DSCAM: variants seen among roughly 807,000 people sequenced by gnomAD.
DSCAM encodes the protein DS cell adhesion molecule.
In DSCAM, 47 loss-of-function variants were observed where a neutral mutation model predicts 217.7. The ratio of observed to expected loss-of-function variants is 0.22; its 90% CI spans 0.17 to 0.28. The LOEUF (loss-of-function observed/expected upper bound fraction) is 0.28, where lower values mean the gene tolerates loss of function less well. DSCAM is among the 10% of genes least tolerant of loss of function. The pLI is 1.00. For missense variants in DSCAM, 2,080 were observed against 2,618.3 expected (o/e 0.79, Z 4.49); for synonymous variants, 1,056 against 1,015.3 (o/e 1.04, Z -0.76).
chr21:40,781,871 G>A (rs1417673827), intron 1 of DSCAM, among the ~76,000 whole-genome samples: 1 of 151,808 alleles, frequency 6.6e-6, no homozygotes, highest in Non-Finnish European at 1.5e-5. Context: ...TCTCTTGGCT[G>A]GGCGCGGTGG....
chr21:40,576,689 A>G (rs1026148860), intron 3 of DSCAM, among the ~76,000 whole-genome samples: 1 of 152,074 alleles, frequency 6.6e-6, no homozygotes, highest in Admixed American at 6.5e-5. Flanking sequence ...TTTAATACTT[A>G]TAATATATAT....
intron 20 of DSCAM, among the ~76,000 whole-genome samples, chr21:40,120,988 G>T (rs34258301): frequency 1.3e-5 from 2 of 152,146 alleles, no homozygotes; most frequent in South Asian, 4.1e-4. Context: ...TTAGCTGAGG[G>T]ACTCTTATAA....
intron 8 of DSCAM, among the ~76,000 whole-genome samples, chr21:40,322,130 CTTT>C (rs1313505231): frequency 6.6e-6 from 1 of 152,140 alleles, no homozygotes; most frequent in Non-Finnish European, 1.5e-5. Flanking sequence ...CATTTGTCTT[CTTT>C]GTCTCCCTGC....
At position 40,237,372 on chromosome 21, in the gene DSCAM, A is replaced by G. The variant is rs916479861; in HGVS notation, c.2356+38725T>C. Reference sequence around the variant, plus strand: ...AATGCTATCCCTCCCCTAGGCCCCCACCCTCTGACAGGCCCTGGTGTGTGA... The same window carrying G: ...AATGCTATCCCTCCCCTAGGCCCCCGCCCTCTGACAGGCCCTGGTGTGTGA... On this transcript the variant is annotated intron_variant, in intron 11 of 32. Transcript: ENST00000400454. Among the ~76,000 whole-genome samples, 5 of 151,880 alleles carry G rather than the reference A, an allele frequency of 3.3e-5. No individual in the cohort carries two copies. The East Asian group carries it at 7.7e-4, about 23-fold the overall frequency.
At chr21:40,553,627 T>C (rs1568900163) in intron 3 of DSCAM, among the ~76,000 whole-genome samples, 1 of 152,228 alleles carries the variant, frequency 6.6e-6, no homozygotes, top group Non-Finnish European at 1.5e-5. Flanking sequence ...CTTCCTCTTC[T>C]AGCCAACAAC....
chr21:40,749,905 C>T (rs1041443), intron 1 of DSCAM, among the ~76,000 whole-genome samples: 3 of 151,964 alleles, frequency 2.0e-5, no homozygotes, highest in Admixed American at 2.0e-4. Context: ...AGCCTCTCCC[C>T]TCTAATCCTT....
At chr21:40,062,090 G>C (rs931392494) in intron 28 of DSCAM, among the ~76,000 whole-genome samples, 1 of 152,194 alleles carries the variant, frequency 6.6e-6, no homozygotes, top group Non-Finnish European at 1.5e-5. Flanking sequence ...AGAGTAAAAA[G>C]GTTGGACAGC....
chr21:40,045,453 G>C (rs1428064439), intron 30 of DSCAM, among the ~76,000 whole-genome samples: 2 of 152,192 alleles, frequency 1.3e-5, no homozygotes, highest in Non-Finnish European at 2.9e-5. Flanking sequence ...GGAACCAAAG[G>C]CAGCAAGTCT....
At chr21:40,170,596 G>A (rs966247602) in intron 15 of DSCAM, among the ~76,000 whole-genome samples, 4 of 152,148 alleles carry the variant, frequency 2.6e-5, no homozygotes, top group African/African-American at 9.7e-5. Flanking sequence ...CCAATTTCTT[G>A]CACATGGGGT....
intron 11 of DSCAM, among the ~76,000 whole-genome samples, chr21:40,217,558 C>A (rs1353445517): frequency 6.6e-6 from 1 of 152,086 alleles, no homozygotes; most frequent in Admixed American, 6.5e-5. Flanking sequence ...GCTCCTCTCC[C>A]TCCTCTGACT....
intron 3 of DSCAM, among the ~76,000 whole-genome samples, chr21:40,503,298 C>T (rs1202188652): frequency 6.6e-6 from 1 of 152,156 alleles, no homozygotes; most frequent in Non-Finnish European, 1.5e-5. Context: ...ATTCACTCAC[C>T]GCCTGATATG....
chr21:40,845,159 G>A (rs1237297632), intron 1 of DSCAM, among the ~76,000 whole-genome samples: 2 of 152,226 alleles, frequency 1.3e-5, no homozygotes, highest in Non-Finnish European at 2.9e-5. Context: ...GGAAAGATGG[G>A]TGTCTTGTCA....
At chr21:40,111,240 A>T (rs2089895342) in intron 20 of DSCAM, among the ~76,000 whole-genome samples, 1 of 152,226 alleles carries the variant, frequency 6.6e-6, no homozygotes, top group African/African-American at 2.4e-5. Context: ...TACAAGCCAG[A>T]AGAGAGTGGG....
intron 19 of DSCAM, among the ~76,000 whole-genome samples, chr21:40,133,449 C>T (rs2090174295): frequency 1.3e-5 from 2 of 152,106 alleles, no homozygotes; most frequent in African/African-American, 4.8e-5. Flanking sequence ...TCAGTCTGTA[C>T]ATAATTTTCA....
intron 3 of DSCAM, among the ~76,000 whole-genome samples, chr21:40,420,445 A>G (rs996727736): frequency 6.6e-6 from 1 of 152,160 alleles, no homozygotes; most frequent in Non-Finnish European, 1.5e-5. Flanking sequence ...GGTGGAAGCC[A>G]CTGAAATCCT....
At chr21:40,569,520 G>C (rs1198576338) in intron 3 of DSCAM, among the ~76,000 whole-genome samples, 1 of 152,156 alleles carries the variant, frequency 6.6e-6, no homozygotes, top group African/African-American at 2.4e-5. Flanking sequence ...CTCCTGCCTG[G>C]GAGTTCTAGC....
At position 40,846,856 on chromosome 21, in the gene DSCAM, C is replaced by T. The variant is rs1309293197; in HGVS notation, c.-195G>A. ...GCTCCGGAGCGAGGGCTGCGCTCGC[C>T]GCGCGCTGCGCTCCTGCACACCTGC... On this transcript the variant is annotated 5_prime_UTR_variant, in exon 1 of 33. Coordinates refer to ENST00000400454, the MANE Select transcript of DSCAM (RefSeq NM_001389.5). The T allele has an allele frequency of 1.3e-5, 2 of 150,550 alleles. No homozygotes were observed. Among genetic ancestry groups the T allele is most frequent in the African/African-American group, 4.9e-5 (2 of 41,016 alleles). 9.3% of individuals were successfully genotyped at this position (150,550 alleles called of 1,614,324 possible). A position where few individuals can be genotyped will look rare whatever the true frequency, so the allele number is the denominator to read the frequency against.
At chr21:40,779,032 GAAAAAAAAAAAAA>G (rs772208075) in intron 1 of DSCAM, among the ~76,000 whole-genome samples, 2 of 45,536 alleles carry the variant, frequency 4.4e-5, no homozygotes, top group African/African-American at 8.5e-5. Context: ...CTCAAAAACA[GAAAAAAAAAAAAA>G]AAAAAAAAAA....
At chr21:40,344,381 G>A (rs2074535534) in intron 6 of DSCAM, among the ~76,000 whole-genome samples, 1 of 151,936 alleles carries the variant, frequency 6.6e-6, no homozygotes, top group Non-Finnish European at 1.5e-5. Flanking sequence ...AGATATAAAT[G>A]TCCATTCTCT....
Sources: allele counts gnomAD v4.1 joint callset (sites outside exome capture counted in the v4.1 genomes callset), GRCh38; gene constraint gnomAD v4.1.1; transcripts MANE v1.5; gene names NCBI Gene and HGNC (gene_info 2026-07-23, HGNC 2026-07-21).